The following APC2 variants were observed in gnomAD, a reference collection of about 807,000 sequenced individuals.
APC2 encodes APC regulator of Wnt signaling pathway 2.
A neutral mutation model predicts 72.5 loss-of-function variants in APC2; 41 were observed. The ratio of observed to expected loss-of-function variants is 0.57; its 90% CI spans 0.44 to 0.73. The LOEUF (loss-of-function observed/expected upper bound fraction) is 0.73, where lower values mean the gene tolerates loss of function less well. Among genes scored for constraint, APC2 ranks in the 30% least tolerant of loss-of-function variants. The pLI, the probability that APC2 is intolerant of heterozygous loss-of-function variation, is 0.00. For synonymous variants in APC2, 1,898 were observed against 1,612.0 expected, an observed-to-expected ratio of 1.18 and a Z score of -4.25; for missense variants, 3,729 against 3,403.4, an observed-to-expected ratio of 1.10 and a Z score of -2.38.
upstream of APC2, among the ~76,000 whole-genome samples, chr19:1,448,940 C>T (rs976180093): frequency 4.6e-5 from 7 of 152,248 alleles, no homozygotes; most frequent in Admixed American, 3.9e-4. Flanking sequence ...GTGGGGACAG[C>T]TGCGTCCAGC....
In APC2 at chr19:1,450,314, C is replaced by T. The variant is rs2083728431; in HGVS notation, c.-43C>T. ...GAGGAGGCCCCAGACCCAGGCGCCC[C>T]GCCAGCCCAGCTGCACGTAAGCGGG... is the stretch of plus-strand genomic sequence containing the variant. On this transcript the variant is annotated 5_prime_UTR_variant, in exon 1 of 15. Transcript: ENST00000590469. The T allele has an allele frequency of 2.0e-6, 2 of 985,496 alleles. No individual in the cohort carries two copies. The highest frequency in any genetic ancestry group is 9.4e-5 in the South Asian group (2 of 21,294). 61.0% of individuals were successfully genotyped at this position (985,496 alleles called of 1,614,324 possible).
chr19:1,461,907 G>C (rs1351825502), intron 13 of APC2, 56 bp from the exon 14 acceptor site: 12 of 1,446,988 alleles, frequency 8.3e-6, no homozygotes, highest in Non-Finnish European at 1.1e-5. Context: ...GAGCGTGGGA[G>C]CCTTTCCTCC....
Position 1,452,877 on chromosome 19 carries a change from AGGATCAG to A in APC2, c.-18-105_-18-99del. Reference sequence around the variant, plus strand: ...TCCTGCCTGAGACCCCCCCCAACCCAGGATCAGGCAGGACGGCTGGGGCTTAGGTCAG... The same window carrying A: ...TCCTGCCTGAGACCCCCCCCAACCCAGCAGGACGGCTGGGGCTTAGGTCAG... On this transcript the variant is annotated intron_variant, in intron 1 of 14. Transcript: ENST00000590469. This position sits in a 1 kb window ranked among gnomAD's most constrained non-coding sequence, Gnocchi z 5.1. 1 of 1,348,546 alleles carries A rather than the reference AGGATCAG, an allele frequency of 7.4e-7. No homozygotes were observed. The highest frequency in any genetic ancestry group is 1.0e-6 in the Non-Finnish European group (1 of 1,003,126). 83.5% of individuals were successfully genotyped at this position (1,348,546 alleles called of 1,614,324 possible).
In APC2 at chr19:1,465,665, T is replaced by G; in HGVS notation, c.2364T>G (p.Ala788=). The G allele has an allele frequency of 6.3e-7, 1 of 1,599,588 alleles. No individual in the cohort carries two copies. The highest frequency in any genetic ancestry group is 8.5e-7 in the Non-Finnish European group (1 of 1,174,506). Residue 788 remains alanine (A), a synonymous_variant, in exon 15 of 15, where the codon GCT becomes GCG. Transcript: ENST00000590469. Reference sequence around the variant, plus strand: ...ACGACGATGCACCGTCATCCCTGGCTGCGGCCGCGGCCACCGGGGAGCCAG... The same window carrying G: ...ACGACGATGCACCGTCATCCCTGGCGGCGGCCGCGGCCACCGGGGAGCCAG... ...FDDDDAPSSL[A]AAAATGEPAS...
In APC2 at chr19:1,468,680, G is replaced by C; in HGVS notation, c.5379G>C (p.Val1793=). The C allele has an allele frequency of 6.4e-7, 1 of 1,568,106 alleles. No individual in the cohort carries two copies. Residue 1793 remains valine (V), a synonymous_variant, in exon 15 of 15, where the codon GTG becomes GTC. Transcript: ENST00000590469. ...GVPAVLRGRT[V]IYVPSPAPRA... is the part of the protein sequence containing the mutation. ...CAGCTGTGCTCCGGGGACGAACAGT[G>C]ATCTACGTCCCCAGCCCGGCACCCC... is the stretch of plus-strand genomic sequence containing the variant.
At chr19:1,450,086 C>T (rs113534259), upstream of APC2, 7,501 of 960,586 alleles carry the variant, frequency 7.8e-3, 30 homozygotes, top group Non-Finnish European at 8.7e-3. Flanking sequence ...TTGGCTGTCT[C>T]ACCCGCATCC....
Position 1,466,630 on chromosome 19 carries a change from T to A in APC2, c.3329T>A (p.Leu1110Gln). 1 of 1,510,328 alleles carries A rather than the reference T, an allele frequency of 6.6e-7. No homozygotes were observed. The highest frequency in any genetic ancestry group is 2.4e-5 in the East Asian group (1 of 41,578). The allele number at this position is 1,510,328 out of a possible 1,614,324, so 93.6% of individuals were successfully genotyped here. Residue 1110 changes from leucine to glutamine, a missense_variant, in exon 15 of 15, where the codon CTG becomes CAG. Coordinates refer to ENST00000590469, the MANE Select transcript of APC2 (RefSeq NM_005883.3). ...GAGGCCGGCCCCAGCGAGGCTGAGC[T>A]GGACAGCACGTGGCGGGCGCCCGGG... ...LEEAGPSEAE[L>Q]DSTWRAPGAT...
intron 10 of APC2, 79 bp downstream of exon 10, chr19:1,458,139 A>G: frequency 1.5e-6 from 2 of 1,325,800 alleles, no homozygotes; most frequent in Admixed American, 2.0e-5. Flanking sequence ...AAAGGGACAC[A>G]GGCTGGGTCA....
rs1456522832 is a variant in APC2 at position 1,466,067 on chromosome 19, C to G, written c.2766C>G (p.Leu922=). The G allele has an allele frequency of 6.6e-7, 1 of 1,521,228 alleles. No individual in the cohort carries two copies. 94.2% of individuals were successfully genotyped at this position (1,521,228 alleles called of 1,614,324 possible). Residue 922 remains leucine, a synonymous_variant, in exon 15 of 15, where the codon CTC becomes CTG. Coordinates refer to ENST00000590469, the MANE Select transcript of APC2 (RefSeq NM_005883.3). The stretch of plus-strand genomic sequence containing the variant: ...GGCTCAAGGCGGCCCACGCCAGCCT[C>G]TCCAACGACAGCCTCAACAGCGGCA... The part of the protein sequence containing the change: ...LLRLKAAHAS[L]SNDSLNSGSA...
At chr19:1,448,973 G>A (rs1201520908), upstream of APC2, among the ~76,000 whole-genome samples, 1 of 152,228 alleles carries the variant, frequency 6.6e-6, no homozygotes, top group African/African-American at 2.4e-5. Context: ...CAGACAGCCA[G>A]GCCGAAGGGC....
chr19:1,465,086 G>A (rs988203136), intron 14 of APC2, 69 bp from the exon 15 acceptor site: 3 of 1,516,948 alleles, frequency 2.0e-6, no homozygotes, highest in Non-Finnish European at 2.7e-6. Context: ...GCCACATCTG[G>A]CCCCCCCATC....
At chr19:1,449,859 G>C (rs1377220277), upstream of APC2, among the ~76,000 whole-genome samples, 2 of 152,176 alleles carry the variant, frequency 1.3e-5, no homozygotes, top group Non-Finnish European at 2.9e-5. Flanking sequence ...AAATCCAGAC[G>C]CAGGAGGTTT....
upstream of APC2, among the ~76,000 whole-genome samples, chr19:1,449,569 G>T (rs958360682): frequency 7.2e-5 from 11 of 152,100 alleles, no homozygotes; most frequent in African/African-American, 2.7e-4. Flanking sequence ...CTGACGCTCC[G>T]TTGGGGAGAC....
At chr19:1,454,450 C>T (rs1385522779) in intron 4 of APC2, among the ~76,000 whole-genome samples, 1 of 151,784 alleles carries the variant, frequency 6.6e-6, no homozygotes, top group African/African-American at 2.4e-5. Context: ...ATGATCATCG[C>T]TCACTGCAGC....
Position 1,467,365 on chromosome 19 carries a change from T to A in APC2, c.4064T>A (p.Leu1355Gln). Reference protein sequence around the residue: ...ECLGAAVPARLRKVASALVPG... With the variant: ...ECLGAAVPARQRKVASALVPG... ...CTGGGAGCCGCCGTGCCTGCCCGGC[T>A]GCGCAAGGTGGCCTCCGCGCTGGTG... Residue 1355 changes from leucine to glutamine, a missense_variant, in exon 15 of 15, where the codon CTG becomes CAG. Coordinates refer to ENST00000590469, the MANE Select transcript of APC2 (RefSeq NM_005883.3). 1 of 1,472,840 alleles carries A rather than the reference T, an allele frequency of 6.8e-7. No homozygotes were observed. The highest frequency in any genetic ancestry group is 9.0e-7 in the Non-Finnish European group (1 of 1,116,584). 91.2% of individuals were successfully genotyped at this position (1,472,840 alleles called of 1,614,324 possible).
rs941076929 is a variant in APC2, at chr19:1,470,462, C to A, written c.*249C>A. 2 of 540,200 alleles carry A rather than the reference C, an allele frequency of 3.7e-6. No individual in the cohort carries two copies. The highest frequency in any genetic ancestry group is 2.0e-5 in the African/African-American group (1 of 49,642). The allele number at this position is 540,200 out of a possible 1,614,324, so 33.5% of individuals were successfully genotyped here. A position where few individuals can be genotyped will look rare whatever the true frequency, so the allele number is the denominator to read the frequency against. ...TAGGCCTCAAGTCCCGACCGTGGAG[C>A]GCTGGCAAGGGCGTCCTGGCCCAGC... On this transcript the variant is annotated 3_prime_UTR_variant, in exon 15 of 15. Coordinates refer to ENST00000590469, the MANE Select transcript of APC2 (RefSeq NM_005883.3).
In APC2 at chr19:1,466,952, G is replaced by GCCCGCGCCACAGGGTCCC. The variant is rs1568180400; in HGVS notation, c.3656_3673dup (p.Ala1219_Pro1224dup). The GCCCGCGCCACAGGGTCCC allele has an allele frequency of 6.2e-7, 1 of 1,602,844 alleles. No homozygotes were observed. Among genetic ancestry groups the GCCCGCGCCACAGGGTCCC allele is most frequent in the South Asian group, 1.1e-5 (1 of 89,724 alleles). ...GCCGGAGCAAGACGCCACCGCTGGC[G>GCCCGCGCCACAGGGTCCC]CCCGCGCCACAGGGTCCCCCCGAGG... On this transcript the variant is annotated inframe_insertion, in exon 15 of 15. Transcript: ENST00000590469.
intron 5 of APC2, 54 bp downstream of exon 5, chr19:1,455,311 G>A (rs2083804663): frequency 6.3e-7 from 1 of 1,584,030 alleles, no homozygotes; most frequent in East Asian, 2.3e-5. Context: ...CAGGGTGCGG[G>A]AAGCGGCGTG....
intron 8 of APC2, 105 bp from the exon 9 acceptor site, chr19:1,456,747 TG>T: frequency 7.3e-7 from 1 of 1,362,966 alleles, no homozygotes; most frequent in Non-Finnish European, 9.8e-7. Flanking sequence ...CAGGTGGGCG[TG>T]GGGCTGCCCT....
Sources: gnomAD v4.1 joint callset for allele counts (sites outside exome capture counted in the v4.1 genomes callset) on GRCh38, gnomAD v4.1.1 for gene constraint, Gnocchi (gnomAD v3.1) non-coding constraint, MANE v1.5 for transcripts, NCBI Gene and HGNC (gene_info 2026-07-23, HGNC 2026-07-21) for gene names.